The following SLC14A2 variants were observed in gnomAD, a reference collection of about 807,000 sequenced individuals.
SLC14A2 encodes the protein solute carrier family 14 member 2.
Under a neutral mutation model 104.6 loss-of-function variants are expected in SLC14A2, and 91 were observed. That is an observed-to-expected ratio of 0.87 (90% CI 0.73 to 1.04). The LOEUF (loss-of-function observed/expected upper bound fraction) is 1.04, where lower values mean the gene tolerates loss of function less well. SLC14A2 is among the 50% of genes least tolerant of loss of function. SLC14A2 has a pLI of 0.00. For synonymous variants in SLC14A2, 476 were observed against 466.4 expected (o/e 1.02, Z -0.27); for missense variants, 1,189 against 1,156.0 (o/e 1.03, Z -0.41).
At chr18:45,168,206 AAGG>A in the SLC14A2 span, among the ~76,000 whole-genome samples, 1 of 152,200 alleles carries the variant, frequency 6.6e-6, no homozygotes, top group African/African-American at 2.4e-5. Context: ...ATTTTCTCTT[AAGG>A]TAACGTATAA....
intron 1 of SLC14A2, among the ~76,000 whole-genome samples, chr18:45,382,833 C>T (rs1380622389): frequency 1.3e-5 from 2 of 152,184 alleles, no homozygotes; most frequent in African/African-American, 4.8e-5. Flanking sequence ...CCATGCCATT[C>T]ATGGGCAGTA....
At chr18:45,562,668 C>T (rs2044216358) in intron 2 of SLC14A2, among the ~76,000 whole-genome samples, 1 of 152,106 alleles carries the variant, frequency 6.6e-6, no homozygotes, top group African/African-American at 2.4e-5. Flanking sequence ...GGTATTTTTC[C>T]ATTACTCTGA....
intron 1 of SLC14A2, among the ~76,000 whole-genome samples, chr18:45,242,474 T>A (rs555220624): frequency 6.6e-6 from 1 of 152,266 alleles, no homozygotes; most frequent in South Asian, 2.1e-4. Flanking sequence ...AATCAGAAAA[T>A]TAAAGGGCTT....
intron 2 of SLC14A2, among the ~76,000 whole-genome samples, chr18:45,570,095 A>G (rs2044324096): frequency 6.6e-6 from 1 of 152,156 alleles, no homozygotes; most frequent in African/African-American, 2.4e-5. Context: ...TGTGGCATTG[A>G]GGGGCACCAG....
At chr18:45,548,600 G>T (rs2044008537) in intron 2 of SLC14A2, among the ~76,000 whole-genome samples, 1 of 152,152 alleles carries the variant, frequency 6.6e-6, no homozygotes, top group African/African-American at 2.4e-5. Flanking sequence ...GCTACTCAGG[G>T]GGCTGATGTG....
At chr18:45,477,081 G>A (rs770635422) in intron 1 of SLC14A2, among the ~76,000 whole-genome samples, 5 of 152,206 alleles carry the variant, frequency 3.3e-5, no homozygotes, top group Non-Finnish European at 7.3e-5. Flanking sequence ...GGAGTTTTCA[G>A]CCTTTTTGCA....
intron 2 of SLC14A2, among the ~76,000 whole-genome samples, chr18:45,557,406 ATGTG>A (rs780435621): frequency 2.6e-5 from 4 of 152,146 alleles, no homozygotes; most frequent in Non-Finnish European, 5.9e-5. Flanking sequence ...GGCTCCATTA[ATGTG>A]TGTAAGTTGC....
intron 1 of SLC14A2, among the ~76,000 whole-genome samples, chr18:45,296,375 T>A (rs2084918135): frequency 6.6e-6 from 1 of 152,228 alleles, no homozygotes; most frequent in Admixed American, 6.5e-5. Flanking sequence ...ATCAGCTTTT[T>A]ATTCAGGGAG....
upstream of SLC14A2, among the ~76,000 whole-genome samples, chr18:45,212,447 G>A (rs1480103075): frequency 6.6e-6 from 1 of 152,096 alleles, no homozygotes; most frequent in Non-Finnish European, 1.5e-5. Flanking sequence ...TGAAAATGGG[G>A]CAATAGTAGG....
At chr18:45,416,785 C>G (rs2086282511) in intron 1 of SLC14A2, among the ~76,000 whole-genome samples, 1 of 152,078 alleles carries the variant, frequency 6.6e-6, no homozygotes, top group South Asian at 2.1e-4. Flanking sequence ...AGGTTTTTTC[C>G]TCTCTCAAAT....
intron 2 of SLC14A2, among the ~76,000 whole-genome samples, chr18:45,490,614 T>C (rs1463095387): frequency 6.6e-6 from 1 of 152,176 alleles, no homozygotes; most frequent in Non-Finnish European, 1.5e-5. Context: ...TGTTAAAATT[T>C]AAGACCAAGT....
At chr18:45,436,382 C>T (rs2086597321) in intron 1 of SLC14A2, among the ~76,000 whole-genome samples, 1 of 152,080 alleles carries the variant, frequency 6.6e-6, no homozygotes, top group African/African-American at 2.4e-5. Context: ...ACTAGGGCAA[C>T]AGTAATGGTA....
At chr18:45,361,202 G>A (rs879769151) in intron 1 of SLC14A2, among the ~76,000 whole-genome samples, 3 of 152,144 alleles carry the variant, frequency 2.0e-5, no homozygotes, top group Non-Finnish European at 4.4e-5. Flanking sequence ...CATCATGTGT[G>A]TGATTTTTAT....
At chr18:45,621,919 G>T (rs542693942) in intron 1 of SLC14A2, among the ~76,000 whole-genome samples, 1 of 152,220 alleles carries the variant, frequency 6.6e-6, no homozygotes, top group Non-Finnish European at 1.5e-5. Flanking sequence ...CAATGAACCA[G>T]CACTTGCAGA....
rs117099457 is a variant in SLC14A2 at position 45,248,167 on chromosome 18, T to C, written c.-125+34976T>C. On this transcript the variant is annotated intron_variant, in intron 1 of 20. Transcript: ENST00000586448. ...GTCACTGATTGGAAGAGGAAGGAAA[T>C]GTAGGGAGGTGGCAAAAAAGCAACA... Among the ~76,000 whole-genome samples, 1,130 of 152,188 alleles carry C rather than the reference T, an allele frequency of 7.4e-3. 5 individuals carry two copies. The highest frequency in any genetic ancestry group is 0.017 in the Middle Eastern group (5 of 294).
chr18:45,184,512 G>A, the SLC14A2 span, among the ~76,000 whole-genome samples: 1 of 152,186 alleles, frequency 6.6e-6, no homozygotes, highest in Admixed American at 6.5e-5. Context: ...GATAAAGTTA[G>A]ATCCTTGTCT....
chr18:45,352,393 T>C (rs1414933533), intron 1 of SLC14A2, among the ~76,000 whole-genome samples: 3 of 152,180 alleles, frequency 2.0e-5, no homozygotes, highest in Non-Finnish European at 1.5e-5. Flanking sequence ...GACATAGTCA[T>C]TTATCCCCCA....
At chr18:45,325,711 A>C (rs1181512248) in intron 1 of SLC14A2, among the ~76,000 whole-genome samples, 1 of 152,174 alleles carries the variant, frequency 6.6e-6, no homozygotes, top group African/African-American at 2.4e-5. Flanking sequence ...CTGTTTTTAT[A>C]GAATCATAGG....
intron 2 of SLC14A2, among the ~76,000 whole-genome samples, chr18:45,547,715 T>C (rs2043993244): frequency 6.6e-6 from 1 of 152,244 alleles, no homozygotes; most frequent in African/African-American, 2.4e-5. Flanking sequence ...TGAAATGAGA[T>C]GATCTTCATG....
Sources: gnomAD v4.1 joint callset for allele counts (sites outside exome capture counted in the v4.1 genomes callset) on GRCh38, gnomAD v4.1.1 for gene constraint, MANE v1.5 for transcripts, NCBI Gene and HGNC (gene_info 2026-07-23, HGNC 2026-07-21) for gene names.